Variants in PCDH9 observed in about 807,000 individuals in gnomAD.
PCDH9 encodes the protein protocadherin-9.
PCDH9 carries 24 observed loss-of-function variants against 70.6 expected under a neutral mutation model. The ratio of observed to expected loss-of-function variants is 0.34; its 90% CI spans 0.25 to 0.48. PCDH9 has a LOEUF of 0.48. Among genes scored for constraint, PCDH9 ranks in the 20% least tolerant of loss-of-function variants. The probability of loss-of-function intolerance (pLI) is 0.99; values close to 1 mark genes in which losing one functional copy is unlikely to be tolerated. For missense variants in PCDH9, 1,281 were observed against 1,503.6 expected (o/e 0.85, Z 2.45); for synonymous variants, 562 against 558.5 (o/e 1.01, Z -0.09).
intron 2 of PCDH9, among the ~76,000 whole-genome samples, chr13:67,058,199 A>G (rs1159580954): frequency 6.6e-6 from 1 of 152,162 alleles, no homozygotes; most frequent in East Asian, 1.9e-4. Context: ...AATAAAGCTT[A>G]TTTGTTCAAT....
intron 4 of PCDH9, among the ~76,000 whole-genome samples, chr13:66,376,661 TATC>T (rs1327051480): frequency 6.6e-6 from 1 of 152,064 alleles, no homozygotes. Flanking sequence ...TGAAGGGAAA[TATC>T]ATAAAAATTC....
chr13:66,359,899 T>C (rs1956440770), intron 4 of PCDH9, among the ~76,000 whole-genome samples: 1 of 152,148 alleles, frequency 6.6e-6, no homozygotes, highest in African/African-American at 2.4e-5. Context: ...TAAGTATGTA[T>C]ATTTTTAATA....
chr13:66,652,185 T>A (rs982452818), intron 3 of PCDH9, among the ~76,000 whole-genome samples: 1 of 151,958 alleles, frequency 6.6e-6, no homozygotes, highest in Non-Finnish European at 1.5e-5. Flanking sequence ...ATAAAGGGCA[T>A]CCACACTGGA....
At chr13:66,565,800 T>C (rs2076644200) in intron 4 of PCDH9, among the ~76,000 whole-genome samples, 1 of 152,188 alleles carries the variant, frequency 6.6e-6, no homozygotes, top group Non-Finnish European at 1.5e-5. Context: ...CATTGGTCTG[T>C]TAGGATATAA....
intron 2 of PCDH9, among the ~76,000 whole-genome samples, chr13:67,084,745 G>C (rs183190836): frequency 7.9e-5 from 12 of 151,428 alleles, no homozygotes; most frequent in African/African-American, 2.9e-4. Context: ...TGAGGGGGGG[G>C]ATCACGAGGT....
At chr13:66,533,680 T>C (rs574662431) in intron 4 of PCDH9, among the ~76,000 whole-genome samples, 2 of 152,102 alleles carry the variant, frequency 1.3e-5, no homozygotes, top group African/African-American at 4.8e-5. Flanking sequence ...GAAAACATAC[T>C]TGCAAACAGT....
chr13:66,340,256 G>GT (rs1023875780), intron 4 of PCDH9, among the ~76,000 whole-genome samples: 3 of 152,138 alleles, frequency 2.0e-5, no homozygotes, highest in Non-Finnish European at 2.9e-5. Flanking sequence ...GGAGCTTATC[G>GT]TTTTTTGTCC....
intron 4 of PCDH9, among the ~76,000 whole-genome samples, chr13:66,458,796 T>C (rs1056388402): frequency 6.6e-6 from 1 of 152,030 alleles, no homozygotes; most frequent in Non-Finnish European, 1.5e-5. Context: ...AAAATTGTCA[T>C]AAAGTAGACC....
At chr13:66,327,476 T>G (rs899029748) in intron 4 of PCDH9, among the ~76,000 whole-genome samples, 4 of 152,214 alleles carry the variant, frequency 2.6e-5, no homozygotes, top group African/African-American at 7.2e-5. Context: ...ATGTCCTTTG[T>G]GTGTCTTCCC....
intron 2 of PCDH9, among the ~76,000 whole-genome samples, chr13:67,117,152 A>G (rs543709015): frequency 1.3e-5 from 2 of 152,206 alleles, no homozygotes; most frequent in South Asian, 2.1e-4. Flanking sequence ...GACAGGTTAT[A>G]GATAAGTGAG....
At chr13:66,477,468 T>A (rs1958753403) in intron 4 of PCDH9, among the ~76,000 whole-genome samples, 1 of 152,164 alleles carries the variant, frequency 6.6e-6, no homozygotes, top group African/African-American at 2.4e-5. Flanking sequence ...TGAGATGAAC[T>A]GTGGACAAGA....
intron 4 of PCDH9, among the ~76,000 whole-genome samples, chr13:66,327,772 G>C (rs1185876637): frequency 6.6e-6 from 1 of 152,070 alleles, no homozygotes; most frequent in African/African-American, 2.4e-5. Flanking sequence ...AAATCAAGTG[G>C]ATAAATGTAC....
At chr13:66,539,747 C>T (rs1960864245) in intron 4 of PCDH9, among the ~76,000 whole-genome samples, 1 of 151,870 alleles carries the variant, frequency 6.6e-6, no homozygotes, top group African/African-American at 2.4e-5. Context: ...ACACAAAAAG[C>T]TTAACATTTA....
At chr13:66,356,098 G>A (rs1240586840) in intron 4 of PCDH9, among the ~76,000 whole-genome samples, 1 of 152,098 alleles carries the variant, frequency 6.6e-6, no homozygotes, top group Non-Finnish European at 1.5e-5. Flanking sequence ...TGGAATAACT[G>A]TGTACTATGC....
chr13:67,199,038 A>T (rs2089145436), intron 2 of PCDH9, among the ~76,000 whole-genome samples: 1 of 151,696 alleles, frequency 6.6e-6, no homozygotes, highest in South Asian at 2.1e-4. Flanking sequence ...CATGTCTTAA[A>T]ATCTGATTGT....
At chr13:66,672,135 C>T (rs1479247916) in intron 3 of PCDH9, among the ~76,000 whole-genome samples, 6 of 152,202 alleles carry the variant, frequency 3.9e-5, no homozygotes, top group Non-Finnish European at 7.3e-5. Context: ...AAGAGGTCAA[C>T]ATACAGCTCA....
intron 2 of PCDH9, among the ~76,000 whole-genome samples, chr13:67,082,757 C>A (rs1435287061): frequency 1.3e-5 from 2 of 152,080 alleles, no homozygotes; most frequent in Non-Finnish European, 2.9e-5. Context: ...TCCTTATATG[C>A]CAATTGTACA....
chr13:66,956,009 GGA>G (rs1227835402), intron 2 of PCDH9, among the ~76,000 whole-genome samples: 6 of 152,142 alleles, frequency 3.9e-5, no homozygotes, highest in Non-Finnish European at 8.8e-5. Flanking sequence ...GGCTGAGGCA[GGA>G]GAATCGCTTG....
At chr13:66,797,501 A>G (rs769905650) in intron 3 of PCDH9, among the ~76,000 whole-genome samples, 21 of 152,176 alleles carry the variant, frequency 1.4e-4, no homozygotes, top group Non-Finnish European at 2.8e-4. Context: ...CCCTATAATA[A>G]CAAACTTTCT....
Sources: allele counts gnomAD v4.1 joint callset (sites outside exome capture counted in the v4.1 genomes callset), GRCh38; gene constraint gnomAD v4.1.1; transcripts MANE v1.5; gene names NCBI Gene and HGNC (gene_info 2026-07-23, HGNC 2026-07-21).